Variants in PRKN observed in about 807,000 individuals in gnomAD.
The protein encoded by PRKN is E3 ubiquitin-protein ligase parkin.
In PRKN, 56 loss-of-function variants were observed where a neutral mutation model predicts 59.5. That is an observed-to-expected ratio of 0.94 (90% confidence interval 0.76 to 1.18). The LOEUF (loss-of-function observed/expected upper bound fraction) is 1.18. PRKN is among the 50% of genes most tolerant of loss of function. The probability of loss-of-function intolerance (pLI) is 0.00; values close to 1 mark genes in which losing one functional copy is unlikely to be tolerated. For missense variants in PRKN, 657 were observed against 596.4 expected (o/e 1.10, Z -1.06); for synonymous variants, 250 against 222.1 (o/e 1.13, Z -1.12).
chr6:161,604,570 C>G (rs1413587091), intron 7 of PRKN, among the ~76,000 whole-genome samples: 2 of 152,194 alleles, frequency 1.3e-5, no homozygotes, highest in Non-Finnish European at 2.9e-5. Context: ...TGCTCAACTT[C>G]AGGCCACGGA....
intron 6 of PRKN, among the ~76,000 whole-genome samples, chr6:161,959,476 T>TGGA (rs1780302819): frequency 6.6e-6 from 1 of 152,202 alleles, no homozygotes; most frequent in Non-Finnish European, 1.5e-5. Flanking sequence ...TCTACTAACA[T>TGGA]TTCCAAAGCA....
intron 4 of PRKN, among the ~76,000 whole-genome samples, chr6:162,067,506 T>G (rs1328699493): frequency 1.3e-5 from 2 of 152,204 alleles, no homozygotes; most frequent in African/African-American, 4.8e-5. Context: ...ATTTATGAGT[T>G]CATGAGTTTT....
Position 161,544,436 on chromosome 6 carries a change from T to C in PRKN, c.1083+4418A>G, listed in dbSNP as rs974402691. Reference sequence around the variant, plus strand: ...ATACTGGGATAAATGATGATTAATATTGGAAAATAAAAGTAATAGTTTGTT... The same window carrying C: ...ATACTGGGATAAATGATGATTAATACTGGAAAATAAAAGTAATAGTTTGTT... On this transcript the variant is annotated intron_variant, in intron 9 of 11. Coordinates refer to ENST00000366898, the MANE Select transcript of PRKN (RefSeq NM_004562.3). The surrounding 1 kb of genome is among the most constrained non-coding windows in gnomAD (Gnocchi z 5.5). Among the ~76,000 whole-genome samples the C allele has an allele frequency of 1.3e-5, 2 of 152,198 alleles. No individual in the cohort carries two copies. The highest frequency in any genetic ancestry group is 6.5e-5 in the Admixed American group (1 of 15,268).
Position 161,423,394 on chromosome 6 carries a change from C to T in PRKN, c.1084-36517G>A, listed in dbSNP as rs988601364. Among the ~76,000 whole-genome samples, 5 of 152,104 alleles carry T rather than the reference C, an allele frequency of 3.3e-5. No individual in the cohort carries two copies. The highest frequency in any genetic ancestry group is 4.4e-5 in the Non-Finnish European group (3 of 68,030). Reference sequence around the variant, plus strand: ...GTAAATAATTCGGAGGTGAGTACTGCGATGCAGTTACACGTCGTAACCACC... The same window carrying T: ...GTAAATAATTCGGAGGTGAGTACTGTGATGCAGTTACACGTCGTAACCACC... On this transcript the variant is annotated intron_variant, in intron 9 of 11. Transcript: ENST00000366898. This position sits in a 1 kb window ranked among gnomAD's most constrained non-coding sequence, Gnocchi z 5.9.
chr6:161,979,767 A>G (rs1380825254), intron 5 of PRKN, among the ~76,000 whole-genome samples: 3 of 152,176 alleles, frequency 2.0e-5, no homozygotes, highest in Non-Finnish European at 4.4e-5. Flanking sequence ...ATCACATCAG[A>G]CCCATACAAA....
rs1778033426 is a variant in PRKN at position 161,503,424 on chromosome 6, A to C, written c.1083+45430T>G. ...ATTCTCACCACAAATATATGGGATA[A>C]GTACCATTTTCATCCTAAATAACCT... On this transcript the variant is annotated intron_variant, in intron 9 of 11. Transcript: ENST00000366898. The surrounding 1 kb of genome is among the most constrained non-coding windows in gnomAD (Gnocchi z 5.1). 6.6e-6 allele frequency among the ~76,000 whole-genome samples: 1 copy of C among 152,198 alleles called. No individual in the cohort carries two copies. The highest frequency in any genetic ancestry group is 2.4e-5 in the African/African-American group (1 of 41,442).
intron 1 of PRKN, among the ~76,000 whole-genome samples, chr6:162,549,264 T>G (rs1376004489): frequency 6.6e-6 from 1 of 152,072 alleles, no homozygotes; most frequent in East Asian, 1.9e-4. Context: ...ACTTCCAGCC[T>G]CCAGCAGTGT....
chr6:162,114,184 A>C (rs1056182373), intron 4 of PRKN, among the ~76,000 whole-genome samples: 4 of 152,104 alleles, frequency 2.6e-5, no homozygotes, highest in Admixed American at 1.3e-4. Context: ...CTCAGGATTG[A>C]CTTGGCGATG....
intron 1 of PRKN, among the ~76,000 whole-genome samples, chr6:162,631,350 T>C (rs1462999059): frequency 6.6e-6 from 1 of 152,184 alleles, no homozygotes; most frequent in Non-Finnish European, 1.5e-5. Context: ...TTCTGTTATA[T>C]TAACCAGCTT....
chr6:161,389,833 A>G (rs949458246), intron 9 of PRKN, among the ~76,000 whole-genome samples: 7 of 152,224 alleles, frequency 4.6e-5, no homozygotes, highest in Non-Finnish European at 1.0e-4. Context: ...TTCATGGTAG[A>G]GGAACACCCT....
chr6:161,942,073 G>C (rs901997795), intron 6 of PRKN, among the ~76,000 whole-genome samples: 1 of 152,134 alleles, frequency 6.6e-6, no homozygotes, highest in Non-Finnish European at 1.5e-5. Flanking sequence ...ATAAATTACA[G>C]ACAACCTGAA....
At position 161,410,594 on chromosome 6, in the gene PRKN, G is replaced by A. The variant is rs1269116816; in HGVS notation, c.1084-23717C>T. On this transcript the variant is annotated intron_variant, in intron 9 of 11. Coordinates refer to ENST00000366898, the MANE Select transcript of PRKN (RefSeq NM_004562.3). The surrounding 1 kb of genome is among the most constrained non-coding windows in gnomAD (Gnocchi z 5.3). Reference sequence around the variant, plus strand: ...CACACAGCAGCGAGAGGGGAAGGGCGAGCTATTTCCTCCATTCTGGTGCTC... The same window carrying A: ...CACACAGCAGCGAGAGGGGAAGGGCAAGCTATTTCCTCCATTCTGGTGCTC... Among the ~76,000 whole-genome samples the A allele has an allele frequency of 1.3e-5, 2 of 152,140 alleles. No homozygotes were observed. Among genetic ancestry groups the A allele is most frequent in the East Asian group, 1.9e-4 (1 of 5,182 alleles).
chr6:161,360,284 T>C lies in PRKN; in HGVS notation c.1168-79A>G. ...AGAGTTTATGTTCCCTGTACGTCGG[T>C]ACAGGAAATTCTTGAAGACAGGAGT... On this transcript the variant is annotated intron_variant, in intron 10 of 11. Transcript: ENST00000366898. The surrounding 1 kb of genome is among the most constrained non-coding windows in gnomAD (Gnocchi z 5.1). 1 of 1,158,470 alleles carries C rather than the reference T, an allele frequency of 8.6e-7. No individual in the cohort carries two copies. The highest frequency in any genetic ancestry group is 1.3e-6 in the Non-Finnish European group (1 of 764,432). The allele number at this position is 1,158,470 out of a possible 1,614,324, so 71.8% of individuals were successfully genotyped here.
intron 9 of PRKN, among the ~76,000 whole-genome samples, chr6:161,522,265 A>G (rs1012034207): frequency 6.6e-6 from 1 of 152,138 alleles, no homozygotes; most frequent in African/African-American, 2.4e-5. Flanking sequence ...CCCACAAGAG[A>G]CCGATGACAG....
intron 3 of PRKN, among the ~76,000 whole-genome samples, chr6:162,242,849 C>CTGTTTTACAG (rs1779039478): frequency 6.6e-6 from 1 of 152,084 alleles, no homozygotes; most frequent in Non-Finnish European, 1.5e-5. Context: ...TAGAAAACTG[C>CTGTTTTACAG]ATCTTCATGG....
intron 6 of PRKN, among the ~76,000 whole-genome samples, chr6:161,854,245 A>T (rs1055700961): frequency 2.6e-5 from 4 of 152,092 alleles, no homozygotes; most frequent in African/African-American, 9.7e-5. Context: ...ACAGAGCAAG[A>T]TTCCATATCA....
intron 7 of PRKN, among the ~76,000 whole-genome samples, chr6:161,757,882 T>TACACACAC (rs1273812918): frequency 1.0e-5 from 1 of 97,224 alleles, no homozygotes; most frequent in Admixed American, 9.8e-5. Context: ...TGTGTATATA[T>TACACACAC]ATATACACAC....
intron 2 of PRKN, among the ~76,000 whole-genome samples, chr6:162,369,217 C>T (rs1785617247): frequency 6.6e-6 from 1 of 152,118 alleles, no homozygotes; most frequent in African/African-American, 2.4e-5. Flanking sequence ...GGAATAAGTT[C>T]TTTTGTTGCT....
chr6:162,637,027 C>T (rs529376953), intron 1 of PRKN, among the ~76,000 whole-genome samples: 6 of 152,016 alleles, frequency 3.9e-5, no homozygotes, highest in East Asian at 1.9e-4. Flanking sequence ...GAGGCTGAGG[C>T]GGGCAGATCA....
Sources: allele counts gnomAD v4.1 joint callset (sites outside exome capture counted in the v4.1 genomes callset), GRCh38; gene constraint gnomAD v4.1.1; non-coding constraint Gnocchi (gnomAD v3.1); transcripts MANE v1.5; gene names NCBI Gene and HGNC (gene_info 2026-07-23, HGNC 2026-07-21).